VPS13B: variants seen among roughly 807,000 people sequenced by gnomAD.
VPS13B encodes intermembrane lipid transfer protein VPS13B.
VPS13B carries 285 observed loss-of-function variants against 426.4 expected under a neutral mutation model. That is an observed-to-expected ratio of 0.67 (90% confidence interval 0.61 to 0.74). The LOEUF (loss-of-function observed/expected upper bound fraction) is 0.74, where lower values mean the gene tolerates loss of function less well. Among genes scored for constraint, VPS13B ranks in the 30% least tolerant of loss-of-function variants. VPS13B has a pLI of 0.00. For missense variants in VPS13B, 4,537 were observed against 4,782.6 expected, an observed-to-expected ratio of 0.95 and a Z score of 1.51; for synonymous variants, 1,676 against 1,676.4, an observed-to-expected ratio of 1.00 and a Z score of 0.01.
intron 19 of VPS13B, among the ~76,000 whole-genome samples, chr8:99,299,286 C>T (rs538793731): frequency 3.3e-5 from 5 of 152,002 alleles, no homozygotes; most frequent in Admixed American, 6.5e-5. Context: ...TGGTCTTGAA[C>T]TCCTTACCTC....
intron 5 of VPS13B, among the ~76,000 whole-genome samples, chr8:99,105,551 A>G (rs1027860914): frequency 2.0e-5 from 3 of 151,790 alleles, no homozygotes; most frequent in African/African-American, 7.3e-5. Context: ...GCTAATTTTT[A>G]TATTTTTGGT....
At chr8:99,372,669 T>G (rs1813257750) in intron 19 of VPS13B, among the ~76,000 whole-genome samples, 1 of 152,190 alleles carries the variant, frequency 6.6e-6, no homozygotes, top group Non-Finnish European at 1.5e-5. Flanking sequence ...AAACAACAGA[T>G]GCTGGCGAGG....
At chr8:99,240,238 C>T (rs970228029) in intron 17 of VPS13B, among the ~76,000 whole-genome samples, 3 of 152,072 alleles carry the variant, frequency 2.0e-5, no homozygotes, top group Admixed American at 6.5e-5. Context: ...AATACTTACC[C>T]GGTATTTTAA....
chr8:99,461,031 G>A (rs1258198336), intron 23 of VPS13B, among the ~76,000 whole-genome samples: 2 of 152,112 alleles, frequency 1.3e-5, no homozygotes, highest in Non-Finnish European at 2.9e-5. Context: ...GTTAAATGTT[G>A]TATCAACTGT....
chr8:99,830,059 A>G (rs1479314163), intron 51 of VPS13B, among the ~76,000 whole-genome samples: 1 of 152,224 alleles, frequency 6.6e-6, no homozygotes, highest in African/African-American at 2.4e-5. Context: ...GTTTCTCCTC[A>G]TCAGGAGGCT....
intron 18 of VPS13B, among the ~76,000 whole-genome samples, chr8:99,274,794 G>A (rs558567346): frequency 2.6e-5 from 4 of 151,954 alleles, no homozygotes; most frequent in African/African-American, 9.7e-5. Context: ...TAAATTTAAG[G>A]TAAGTTTATA....
intron 30 of VPS13B, among the ~76,000 whole-genome samples, chr8:99,551,822 T>C (rs1289780263): frequency 6.6e-6 from 1 of 152,008 alleles, no homozygotes; most frequent in African/African-American, 2.4e-5. Context: ...AAACATAATA[T>C]ATGTTTAGAC....
chr8:99,631,864 T>C (rs1039758817), intron 33 of VPS13B, among the ~76,000 whole-genome samples: 1 of 151,990 alleles, frequency 6.6e-6, no homozygotes. Context: ...GATGAATGAA[T>C]GAATGATGTG....
intron 34 of VPS13B, among the ~76,000 whole-genome samples, chr8:99,653,852 T>A (rs1829918994): frequency 1.3e-5 from 2 of 151,988 alleles, no homozygotes; most frequent in Admixed American, 1.3e-4. Flanking sequence ...GCCCTTCCCA[T>A]CACATCTTAC....
At chr8:99,458,080 A>G (rs1163909521) in intron 23 of VPS13B, among the ~76,000 whole-genome samples, 1 of 19,448 alleles carries the variant, frequency 5.1e-5, no homozygotes, top group Non-Finnish European at 1.1e-4. Flanking sequence ...CCCCAACCCC[A>G]CAACAGGCCC....
intron 43 of VPS13B, among the ~76,000 whole-genome samples, chr8:99,789,208 C>A (rs1355996039): frequency 1.3e-5 from 2 of 152,118 alleles, no homozygotes; most frequent in African/African-American, 4.8e-5. Flanking sequence ...TTGTCAATTT[C>A]ATTAACTAGA....
intron 25 of VPS13B, among the ~76,000 whole-genome samples, chr8:99,483,399 A>T (rs1211997050): frequency 6.6e-6 from 1 of 152,168 alleles, no homozygotes; most frequent in Non-Finnish European, 1.5e-5. Flanking sequence ...GAGTTCCAAT[A>T]TTATTAGCAT....
intron 59 of VPS13B, among the ~76,000 whole-genome samples, chr8:99,869,167 A>G (rs1268372163): frequency 6.6e-6 from 1 of 152,198 alleles, no homozygotes; most frequent in Non-Finnish European, 1.5e-5. Context: ...TGTGGCTGGA[A>G]CTGTTACCAT....
At chr8:99,591,334 G>T (rs890677670) in intron 33 of VPS13B, among the ~76,000 whole-genome samples, 8 of 152,024 alleles carry the variant, frequency 5.3e-5, no homozygotes, top group African/African-American at 1.9e-4. Flanking sequence ...TTTAATTGGG[G>T]CATTTAGCCC....
At chr8:99,671,042 T>C (rs562228272) in intron 35 of VPS13B, among the ~76,000 whole-genome samples, 1 of 152,314 alleles carries the variant, frequency 6.6e-6, no homozygotes, top group Non-Finnish European at 1.5e-5. Flanking sequence ...ATATTTTTAA[T>C]TGATTGAGGA....
chr8:99,596,724 C>T (rs1827036031), intron 33 of VPS13B, among the ~76,000 whole-genome samples: 1 of 152,054 alleles, frequency 6.6e-6, no homozygotes, highest in Non-Finnish European at 1.5e-5. Context: ...ACACCCAGCT[C>T]CAAGTGAGGC....
At chr8:99,014,692 C>CAAAAAAAAAAAAAA (rs574786628) in intron 2 of VPS13B, among the ~76,000 whole-genome samples, 1 of 61,228 alleles carries the variant, frequency 1.6e-5, no homozygotes, top group African/African-American at 4.5e-5. Context: ...GAAAAAAAGA[C>CAAAAAAAAAAAAAA]AAAAAAAAAA....
chr8:99,475,777 G>A (rs1430671800), intron 24 of VPS13B, among the ~76,000 whole-genome samples: 1 of 152,122 alleles, frequency 6.6e-6, no homozygotes, highest in Non-Finnish European at 1.5e-5. Flanking sequence ...CTGGCTTCCA[G>A]AGTCACCTGG....
chr8:99,072,833 G>A (rs555540663), intron 3 of VPS13B, among the ~76,000 whole-genome samples: 56 of 152,228 alleles, frequency 3.7e-4, no homozygotes, highest in African/African-American at 1.3e-3. Flanking sequence ...CAGTTTCACT[G>A]CACCATTTAT....
Sources: gnomAD v4.1 joint callset for allele counts (sites outside exome capture counted in the v4.1 genomes callset) on GRCh38, gnomAD v4.1.1 for gene constraint, MANE v1.5 for transcripts, NCBI Gene and HGNC (gene_info 2026-07-23, HGNC 2026-07-21) for gene names.